KLHL29: variants seen among roughly 807,000 people sequenced by gnomAD.
KLHL29 encodes kelch-like protein 29.
Under a neutral mutation model 80.4 loss-of-function variants are expected in KLHL29, and 21 were observed. The ratio of observed to expected loss-of-function variants is 0.26; its 90% CI spans 0.19 to 0.38. The LOEUF (loss-of-function observed/expected upper bound fraction) is 0.38, where lower values mean the gene tolerates loss of function less well. Ranked by LOEUF, KLHL29 falls within the 10% of genes least tolerant of loss-of-function variation. The pLI, the probability that KLHL29 is intolerant of heterozygous loss-of-function variation, is 1.00. For missense variants in KLHL29, 867 were observed against 1,223.9 expected (o/e 0.71, Z 4.35); for synonymous variants, 511 against 526.8 (o/e 0.97, Z 0.41).
chr2:23,656,331 CAG>C (rs1356491951), intron 5 of KLHL29, among the ~76,000 whole-genome samples: 1 of 152,180 alleles, frequency 6.6e-6, no homozygotes. Flanking sequence ...GATATTCCAG[CAG>C]AGCAGAGACC....
chr2:23,423,627 C>G lies in KLHL29; in HGVS notation c.-154+37847C>G, dbSNP rs138431841. ...GTCTGTTGCTGGCCATGGGGTCAGT[C>G]AGAGAGGCCTAGCCTCAGCCTGGCG... On this transcript the variant is annotated intron_variant, in intron 1 of 13. Transcript: ENST00000486442. 1.7e-3 allele frequency among the ~76,000 whole-genome samples: 261 copies of G among 152,266 alleles called. 1 individual carries two copies. Among genetic ancestry groups the G allele is most frequent in the African/African-American group, 5.8e-3 (240 of 41,570 alleles).
intron 3 of KLHL29, among the ~76,000 whole-genome samples, chr2:23,598,201 T>TG (rs1218329717): frequency 6.6e-6 from 1 of 152,232 alleles, no homozygotes; most frequent in Non-Finnish European, 1.5e-5. Flanking sequence ...GTAAGTGCCT[T>TG]GCACATATTT....
intron 5 of KLHL29, among the ~76,000 whole-genome samples, chr2:23,666,229 A>G (rs183808006): frequency 1.3e-5 from 2 of 152,192 alleles, no homozygotes; most frequent in Non-Finnish European, 2.9e-5. Flanking sequence ...CACATCCCAG[A>G]TGCAGCAACT....
chr2:23,578,279 G>C (rs1335237775), intron 3 of KLHL29, among the ~76,000 whole-genome samples: 1 of 152,184 alleles, frequency 6.6e-6, no homozygotes, highest in Non-Finnish European at 1.5e-5. Flanking sequence ...CTCTTGGCCT[G>C]CACAGCGATG....
chr2:23,688,531 G>C (rs760792231), intron 6 of KLHL29, among the ~76,000 whole-genome samples: 5 of 152,190 alleles, frequency 3.3e-5, no homozygotes, highest in Non-Finnish European at 5.9e-5. Context: ...AAACATTCTA[G>C]TAGTTGGGCC....
intron 3 of KLHL29, among the ~76,000 whole-genome samples, chr2:23,576,892 T>G (rs1667856230): frequency 6.6e-6 from 1 of 152,166 alleles, no homozygotes; most frequent in Non-Finnish European, 1.5e-5. Flanking sequence ...GGCAAAGACT[T>G]GAGCCTTGAT....
intron 2 of KLHL29, among the ~76,000 whole-genome samples, chr2:23,539,244 T>C (rs1666764356): frequency 6.6e-6 from 1 of 152,102 alleles, no homozygotes; most frequent in African/African-American, 2.4e-5. Flanking sequence ...GTTCAGCAGA[T>C]TGGGAAGTAT....
intron 1 of KLHL29, among the ~76,000 whole-genome samples, chr2:23,430,549 C>G (rs1289402272): frequency 6.6e-6 from 1 of 152,214 alleles, no homozygotes; most frequent in African/African-American, 2.4e-5. Context: ...TCTCTGGGCC[C>G]TCCAGCTGGC....
At chr2:23,661,340 T>TAAAAAAAAAAAAA (rs11483622) in intron 5 of KLHL29, among the ~76,000 whole-genome samples, 2 of 134,890 alleles carry the variant, frequency 1.5e-5, no homozygotes, top group African/African-American at 5.7e-5. Flanking sequence ...AGACCCTGTC[T>TAAAAAAAAAAAAA]AAAAAAAAAA....
intron 3 of KLHL29, among the ~76,000 whole-genome samples, chr2:23,578,722 A>T (rs1044314512): frequency 6.6e-6 from 1 of 152,246 alleles, no homozygotes; most frequent in African/African-American, 2.4e-5. Flanking sequence ...AGGTGTAGTC[A>T]TGGAAATCCA....
At chr2:23,537,995 A>G (rs12472268) in intron 2 of KLHL29, among the ~76,000 whole-genome samples, 112,044 of 152,160 alleles carry the variant, frequency 0.74, 41,880 homozygotes, top group East Asian at 0.9. Flanking sequence ...AAGTTGCTCC[A>G]GAAGCACTGA....
At chr2:23,483,220 T>C (rs1664847400) in intron 2 of KLHL29, among the ~76,000 whole-genome samples, 1 of 152,126 alleles carries the variant, frequency 6.6e-6, no homozygotes, top group Non-Finnish European at 1.5e-5. Context: ...GCAACTAGCT[T>C]AGTTTGATCA....
rs548914192 is a variant in KLHL29 at position 23,503,837 on chromosome 2, G to A, written c.-46+28170G>A. On this transcript the variant is annotated intron_variant, in intron 2 of 13. Coordinates refer to ENST00000486442, the MANE Select transcript of KLHL29 (RefSeq NM_052920.2). The surrounding 1 kb of genome is among the most constrained non-coding windows in gnomAD (Gnocchi z 4.0). ...TCCACACAGTCCTGCACACATTGCC[G>A]TCTTTGTTTAAAGAGAGGCGGAGGC... 6.6e-6 allele frequency among the ~76,000 whole-genome samples: 1 copy of A among 152,344 alleles called. No individual in the cohort carries two copies. The highest frequency in any genetic ancestry group is 2.4e-5 in the African/African-American group (1 of 41,572).
intron 2 of KLHL29, among the ~76,000 whole-genome samples, chr2:23,545,877 A>G (rs1215815236): frequency 6.6e-6 from 1 of 151,614 alleles, no homozygotes; most frequent in Non-Finnish European, 1.5e-5. Flanking sequence ...CTTTCTCTGG[A>G]CTCCCTTCCT....
chr2:23,595,728 A>G (rs1474929288), intron 3 of KLHL29, among the ~76,000 whole-genome samples: 1 of 151,882 alleles, frequency 6.6e-6, no homozygotes, highest in African/African-American at 2.4e-5. Context: ...CAGCCAGGGG[A>G]CTCCATCTGG....
Position 23,621,602 on chromosome 2 carries a change from G to A in KLHL29, c.286-17537G>A, listed in dbSNP as rs1036809963. Among the ~76,000 whole-genome samples, 3 of 152,218 alleles carry A rather than the reference G, an allele frequency of 2.0e-5. No individual in the cohort carries two copies. The South Asian group carries it at 6.2e-4, about 32-fold the overall frequency. On this transcript the variant is annotated intron_variant, in intron 3 of 13. Coordinates refer to ENST00000486442, the MANE Select transcript of KLHL29 (RefSeq NM_052920.2). ...CTCAAGCCCTGGTGCTAATGGGACA[G>A]ACCCCCCAGACAGGAAATGCAGACT...
intron 2 of KLHL29, among the ~76,000 whole-genome samples, chr2:23,480,693 G>A (rs529946768): frequency 6.6e-6 from 1 of 152,202 alleles, no homozygotes; most frequent in Non-Finnish European, 1.5e-5. Flanking sequence ...TGGATGATGT[G>A]TAATTTGTCT....
At chr2:23,652,055 G>C (rs1034527252) in intron 5 of KLHL29, among the ~76,000 whole-genome samples, 2 of 152,234 alleles carry the variant, frequency 1.3e-5, no homozygotes, top group African/African-American at 4.8e-5. Context: ...AGTCTGTCTA[G>C]TTGGCAAATG....
In KLHL29 at chr2:23,684,545, T is replaced by G; in HGVS notation, c.1079+8T>G. 6.5e-7 allele frequency: 1 copy of G among 1,543,376 alleles called. No homozygotes were observed. The highest frequency in any genetic ancestry group is 8.7e-7 in the Non-Finnish European group (1 of 1,144,446). Reference sequence around the variant, plus strand: ...CAAGGACCTGATTCAAAGGTTTGCCTTCCTTCCAGCTGTGGTCGGGTCTGT... The same window carrying G: ...CAAGGACCTGATTCAAAGGTTTGCCGTCCTTCCAGCTGTGGTCGGGTCTGT... On this transcript the variant is annotated splice_region_variant and intron_variant, in intron 6 of 13. Coordinates refer to ENST00000486442, the MANE Select transcript of KLHL29 (RefSeq NM_052920.2). The surrounding 1 kb of genome is among the most constrained non-coding windows in gnomAD (Gnocchi z 4.4).
Sources: gnomAD v4.1 joint callset for allele counts (sites outside exome capture counted in the v4.1 genomes callset) on GRCh38, gnomAD v4.1.1 for gene constraint, Gnocchi (gnomAD v3.1) non-coding constraint, MANE v1.5 for transcripts, NCBI Gene and HGNC (gene_info 2026-07-23, HGNC 2026-07-21) for gene names.